PEX14: variants seen among roughly 807,000 people sequenced by gnomAD.
PEX14 encodes the protein peroxisomal membrane protein PEX14.
A neutral mutation model predicts 49.5 loss-of-function variants in PEX14; 15 were observed. The observed-to-expected ratio is 0.30, with a 90% CI of 0.20 to 0.47. The LOEUF (loss-of-function observed/expected upper bound fraction) is 0.47, where lower values mean the gene tolerates loss of function less well. Ranked by LOEUF, PEX14 falls within the 20% of genes least tolerant of loss-of-function variation. The probability of loss-of-function intolerance (pLI) is 1.00; values close to 1 mark genes in which losing one functional copy is unlikely to be tolerated. For missense variants in PEX14, 398 were observed against 494.8 expected, an observed-to-expected ratio of 0.80 and a Z score of 1.86; for synonymous variants, 210 against 212.7, an observed-to-expected ratio of 0.99 and a Z score of 0.11.
intron 3 of PEX14, among the ~76,000 whole-genome samples, chr1:10,579,858 T>G (rs1640260475): frequency 6.6e-6 from 1 of 152,028 alleles, no homozygotes; most frequent in Non-Finnish European, 1.5e-5. Context: ...GACCTGTATT[T>G]TGTGCCGACT....
At chr1:10,493,888 G>C (rs1641512710) in intron 1 of PEX14, among the ~76,000 whole-genome samples, 2 of 152,352 alleles carry the variant, frequency 1.3e-5, no homozygotes, top group African/African-American at 4.8e-5. Flanking sequence ...TGTCAGAGAG[G>C]ACTGTGAGTC....
In PEX14 at chr1:10,514,548, G is replaced by A. The variant is rs557309390; in HGVS notation, c.84+19227G>A. On this transcript the variant is annotated intron_variant, in intron 2 of 8. Transcript: ENST00000356607. The surrounding 1 kb of genome is among the most constrained non-coding windows in gnomAD (Gnocchi z 4.4). ...CACACAGGAACTTTGGGCCTAAGAC[G>A]CAACTCAAGGGAAAGCCATTGGGGA... is the stretch of plus-strand genomic sequence containing the variant. Among the ~76,000 whole-genome samples the A allele has an allele frequency of 6.6e-6, 1 of 152,304 alleles. No individual in the cohort carries two copies. Among genetic ancestry groups the A allele is most frequent in the East Asian group, 1.9e-4 (1 of 5,182 alleles).
rs867288940 is a variant in PEX14, at chr1:10,583,402, T to A, written c.170-15836T>A. 9.1e-3 allele frequency among the ~76,000 whole-genome samples: 1,307 copies of A among 142,932 alleles called. 14 individuals carry two copies. Among genetic ancestry groups the A allele is most frequent in the African/African-American group, 0.031 (1,157 of 37,204 alleles). 93.8% of individuals were successfully genotyped at this position (142,932 alleles called of 152,430 possible). ...ACCCAGCTTTTTTTTTTTTTTTTTT[T>A]AAAAAGGTGAGGTTGCACTATGTTG... On this transcript the variant is annotated intron_variant, in intron 3 of 8. Coordinates refer to ENST00000356607, the MANE Select transcript of PEX14 (RefSeq NM_004565.3).
Position 10,514,815 on chromosome 1 carries a change from T to A in PEX14, c.84+19494T>A, listed in dbSNP as rs1023846433. On this transcript the variant is annotated intron_variant, in intron 2 of 8. Coordinates refer to ENST00000356607, the MANE Select transcript of PEX14 (RefSeq NM_004565.3). The surrounding 1 kb of genome is among the most constrained non-coding windows in gnomAD (Gnocchi z 4.4). ...TGGCATTTTTATTGTTCTTGAAAAT[T>A]GTGTACTGATTGCGATCTGTTCTGC... 2.0e-5 allele frequency among the ~76,000 whole-genome samples: 3 copies of A among 152,238 alleles called. No individual in the cohort carries two copies. Among genetic ancestry groups the A allele is most frequent in the African/African-American group, 7.2e-5 (3 of 41,462 alleles).
At chr1:10,498,993 C>G (rs1429573152) in intron 2 of PEX14, among the ~76,000 whole-genome samples, 1 of 152,238 alleles carries the variant, frequency 6.6e-6, no homozygotes, top group African/African-American at 2.4e-5. Context: ...GATCCAGCTT[C>G]TTGTGCTGTC....
chr1:10,593,811 C>T (rs938606121), intron 3 of PEX14, among the ~76,000 whole-genome samples: 7 of 152,118 alleles, frequency 4.6e-5, no homozygotes, highest in Non-Finnish European at 1.0e-4. Flanking sequence ...CAATAGAAGC[C>T]GTTGGCTTAA....
intron 3 of PEX14, among the ~76,000 whole-genome samples, chr1:10,545,393 A>C (rs1452014801): frequency 6.6e-6 from 1 of 152,194 alleles, no homozygotes; most frequent in African/African-American, 2.4e-5. Context: ...TTAACATTTT[A>C]AGAAACTTCT....
chr1:10,556,035 A>G (rs1405124366), intron 3 of PEX14, among the ~76,000 whole-genome samples: 1 of 152,050 alleles, frequency 6.6e-6, no homozygotes, highest in Non-Finnish European at 1.5e-5. Context: ...CAGCGTGGAC[A>G]TTCCACCGAG....
chr1:10,526,383 TAA>T (rs1453963723), intron 2 of PEX14, among the ~76,000 whole-genome samples: 4 of 152,088 alleles, frequency 2.6e-5, no homozygotes, highest in Non-Finnish European at 5.9e-5. Flanking sequence ...CACACCCAGC[TAA>T]GTTTTGTATT....
At chr1:10,605,636 G>A (rs1641104323) in intron 4 of PEX14, among the ~76,000 whole-genome samples, 1 of 152,208 alleles carries the variant, frequency 6.6e-6, no homozygotes, top group Non-Finnish European at 1.5e-5. Flanking sequence ...TAAACAGAAA[G>A]CATGCATGGG....
At chr1:10,614,652 T>C (rs1432113635) in intron 4 of PEX14, among the ~76,000 whole-genome samples, 1 of 152,214 alleles carries the variant, frequency 6.6e-6, no homozygotes, top group Non-Finnish European at 1.5e-5. Flanking sequence ...AAGTCACAGC[T>C]GCTTTCTTGC....
intron 2 of PEX14, among the ~76,000 whole-genome samples, chr1:10,519,887 C>T (rs1047553018): frequency 3.9e-5 from 6 of 152,206 alleles, no homozygotes; most frequent in East Asian, 1.9e-4. Context: ...GTGATCCTCC[C>T]GCCTCGACCT....
chr1:10,630,354 G>T lies in PEX14; in HGVS notation c.*367G>T, dbSNP rs1000280519. 4.0e-5 allele frequency: 13 copies of T among 326,230 alleles called. No individual in the cohort carries two copies. Among genetic ancestry groups the T allele is most frequent in the Middle Eastern group, 9.1e-4 (1 of 1,098 alleles). The allele number at this position is 326,230 out of a possible 1,614,324, so 20.2% of individuals were successfully genotyped here. A position where few individuals can be genotyped will look rare whatever the true frequency, so the allele number is the denominator to read the frequency against. Reference sequence around the variant, plus strand: ...AGTGTCTTGACTACCGTGACACCACGCATGGCCAGAGCTAGCGTCCCTACT... The same window carrying T: ...AGTGTCTTGACTACCGTGACACCACTCATGGCCAGAGCTAGCGTCCCTACT... On this transcript the variant is annotated 3_prime_UTR_variant, in exon 9 of 9. Coordinates refer to ENST00000356607, the MANE Select transcript of PEX14 (RefSeq NM_004565.3). This position sits in a 1 kb window ranked among gnomAD's most constrained non-coding sequence, Gnocchi z 4.1.
intron 4 of PEX14, among the ~76,000 whole-genome samples, chr1:10,601,744 T>C (rs188389155): frequency 6.6e-6 from 1 of 152,338 alleles, no homozygotes; most frequent in African/African-American, 2.4e-5. Context: ...TTCCAATCCA[T>C]TGTAGTTGCT....
chr1:10,486,564 T>C (rs1641371803), intron 1 of PEX14, among the ~76,000 whole-genome samples: 1 of 151,824 alleles, frequency 6.6e-6, no homozygotes, highest in African/African-American at 2.4e-5. Flanking sequence ...TACCTGGAGT[T>C]CTAGCTACTC....
chr1:10,513,738 G>A (rs569095800), intron 2 of PEX14, among the ~76,000 whole-genome samples: 1 of 152,250 alleles, frequency 6.6e-6, no homozygotes, highest in Admixed American at 6.5e-5. Flanking sequence ...AAAAGGGAAG[G>A]GTTTATTTTA....
In PEX14 at chr1:10,613,113, G is replaced by A. The variant is rs1286910666; in HGVS notation, c.299-5219G>A. The stretch of plus-strand genomic sequence containing the variant: ...TACTGGATTGCAGGATTTCCATGGT[G>A]TGGATCGGTCTGTGACTTGCTCAGC... On this transcript the variant is annotated intron_variant, in intron 4 of 8. Transcript: ENST00000356607. The surrounding 1 kb of genome is among the most constrained non-coding windows in gnomAD (Gnocchi z 5.0). 6.6e-6 allele frequency among the ~76,000 whole-genome samples: 1 copy of A among 152,230 alleles called. No homozygotes were observed. The highest frequency in any genetic ancestry group is 2.4e-5 in the African/African-American group (1 of 41,460).
Position 10,494,716 on chromosome 1 carries a change from G to C in PEX14, c.37-558G>C, listed in dbSNP as rs1641527158. On this transcript the variant is annotated intron_variant, in intron 1 of 8. Transcript: ENST00000356607. The surrounding 1 kb of genome is among the most constrained non-coding windows in gnomAD (Gnocchi z 4.3). ...CCTGGGGCTTTCTTTACTATTGTGGGGTGGTGTCCTTAGTGGCAGGTGATG... is the reference window on the plus strand; with the variant it reads ...CCTGGGGCTTTCTTTACTATTGTGGCGTGGTGTCCTTAGTGGCAGGTGATG... Among the ~76,000 whole-genome samples, 1 of 152,180 alleles carries C rather than the reference G, an allele frequency of 6.6e-6. No homozygotes were observed. The highest frequency in any genetic ancestry group is 6.5e-5 in the Admixed American group (1 of 15,280).
chr1:10,629,560 C>T lies in PEX14; in HGVS notation c.707C>T (p.Pro236Leu), dbSNP rs141373791. 2.2e-5 allele frequency: 36 copies of T among 1,613,770 alleles called. 1 individual carries two copies. Among genetic ancestry groups the T allele is most frequent in the Admixed American group, 1.2e-4 (7 of 60,000 alleles). ...RRQFPPSPSAPKIPSWQIPVK... is the reference protein window; with the variant it reads ...RRQFPPSPSALKIPSWQIPVK... ...CAGTTCCCTCCATCCCCATCAGCCC[C>T]GAAGATCCCCTCCTGGCAGATCCCA... Residue 236 changes from proline (P) to leucine (L), a missense_variant, in exon 9 of 9, where the codon CCG becomes CTG. Transcript: ENST00000356607. This position sits in a 1 kb window ranked among gnomAD's most constrained non-coding sequence, Gnocchi z 8.5.
Sources: gnomAD v4.1 joint callset for allele counts (sites outside exome capture counted in the v4.1 genomes callset) on GRCh38, gnomAD v4.1.1 for gene constraint, Gnocchi (gnomAD v3.1) non-coding constraint, MANE v1.5 for transcripts, NCBI Gene and HGNC (gene_info 2026-07-23, HGNC 2026-07-21) for gene names.